Variants in SGCZ observed in about 807,000 individuals in gnomAD.
SGCZ encodes sarcoglycan zeta, also known as zeta-sarcoglycan.
A neutral mutation model predicts 41.3 loss-of-function variants in SGCZ; 40 were observed. The ratio of observed to expected loss-of-function variants is 0.97; its 90% CI spans 0.75 to 1.26. The LOEUF is 1.26. Among genes scored for constraint, SGCZ ranks in the 50% most tolerant of loss-of-function variants. SGCZ has a pLI of 0.00. For synonymous variants in SGCZ, 206 were observed against 137.5 expected (o/e 1.50, Z -3.49); for missense variants, 552 against 369.8 (o/e 1.49, Z -4.04).
chr8:14,525,624 A>T (rs1436433610), intron 2 of SGCZ, among the ~76,000 whole-genome samples: 1 of 152,058 alleles, frequency 6.6e-6, no homozygotes, highest in Non-Finnish European at 1.5e-5. Flanking sequence ...ATACTTCTTG[A>T]CCTAGTCACA....
At chr8:14,192,693 T>A (rs1278670219) in intron 4 of SGCZ, among the ~76,000 whole-genome samples, 1 of 152,056 alleles carries the variant, frequency 6.6e-6, no homozygotes, top group Non-Finnish European at 1.5e-5. Flanking sequence ...TTCTCAATAT[T>A]ATATTTATGC....
intron 2 of SGCZ, among the ~76,000 whole-genome samples, chr8:14,410,064 G>A (rs972174103): frequency 1.2e-4 from 18 of 152,042 alleles, no homozygotes; most frequent in Non-Finnish European, 1.9e-4. Flanking sequence ...TCTGAGCTCC[G>A]CCTCCAGTAA....
intron 4 of SGCZ, among the ~76,000 whole-genome samples, chr8:14,233,815 T>A (rs1488908830): frequency 6.6e-6 from 1 of 151,700 alleles, no homozygotes; most frequent in South Asian, 2.1e-4. Flanking sequence ...ATAATAATTA[T>A]AGATTAAATA....
chr8:14,226,159 C>T (rs1726009848), intron 4 of SGCZ, among the ~76,000 whole-genome samples: 1 of 151,776 alleles, frequency 6.6e-6, no homozygotes, highest in South Asian at 2.1e-4. Flanking sequence ...TACATAGTTG[C>T]ATGAAGAAAA....
At chr8:14,846,940 C>T (rs1264466208) in intron 1 of SGCZ, among the ~76,000 whole-genome samples, 2 of 151,876 alleles carry the variant, frequency 1.3e-5, no homozygotes, top group Non-Finnish European at 2.9e-5. Flanking sequence ...GGCGTGGTGG[C>T]ACATGCCTGT....
intron 1 of SGCZ, among the ~76,000 whole-genome samples, chr8:14,685,105 CATTA>C (rs1240782813): frequency 6.8e-6 from 1 of 147,632 alleles, no homozygotes; most frequent in Non-Finnish European, 1.5e-5. Flanking sequence ...TATTTAAACA[CATTA>C]ATTAAAACTA....
At chr8:14,704,846 G>A (rs1809279827) in intron 1 of SGCZ, among the ~76,000 whole-genome samples, 1 of 151,814 alleles carries the variant, frequency 6.6e-6, no homozygotes, top group Non-Finnish European at 1.5e-5. Flanking sequence ...ACTAAATACT[G>A]GGCATCACAA....
At chr8:14,764,232 T>C (rs1343218202) in intron 1 of SGCZ, among the ~76,000 whole-genome samples, 1 of 152,212 alleles carries the variant, frequency 6.6e-6, no homozygotes, top group Non-Finnish European at 1.5e-5. Flanking sequence ...GTAGATATGT[T>C]AGAACTTTTA....
chr8:14,489,436 C>CT, intron 2 of SGCZ, among the ~76,000 whole-genome samples: 1 of 152,006 alleles, frequency 6.6e-6, no homozygotes, highest in Non-Finnish European at 1.5e-5. Context: ...AATAGATTGA[C>CT]TTTTTTGCTT....
rs73517247 is a variant in SGCZ at position 14,594,870 on chromosome 8, T to C, written c.40-39944A>G. 7.4e-3 allele frequency among the ~76,000 whole-genome samples: 1,122 copies of C among 151,994 alleles called. 32 individuals are homozygous for C. The highest frequency in any genetic ancestry group is 0.026 in the African/African-American group (1,065 of 41,302). On this transcript the variant is annotated intron_variant, in intron 1 of 7. Coordinates refer to ENST00000382080, the MANE Select transcript of SGCZ (RefSeq NM_139167.4). ...TTTTTTTACCAACAATTACATATTA[T>C]TTTCTGTGTCTCTATTACAGAGACA...
intron 1 of SGCZ, among the ~76,000 whole-genome samples, chr8:14,907,874 G>A (rs1799166354): frequency 6.6e-6 from 1 of 152,108 alleles, no homozygotes; most frequent in Admixed American, 6.5e-5. Context: ...TATTTAGGAT[G>A]TATACAACCA....
rs912793775 is a variant in SGCZ at position 14,088,335 on chromosome 8, C to G, written c.*2108G>C. ...GCTGAGATTAGAAACAGGGCCAGTT[C>G]CTAATCAAAAGAATTATTCCCATTT... is the stretch of plus-strand genomic sequence containing the variant. On this transcript the variant is annotated 3_prime_UTR_variant, in exon 8 of 8. Coordinates refer to ENST00000382080, the MANE Select transcript of SGCZ (RefSeq NM_139167.4). Among the ~76,000 whole-genome samples, 1 of 151,642 alleles carries G rather than the reference C, an allele frequency of 6.6e-6. No homozygotes were observed.
At chr8:14,780,211 A>G (rs779534901) in intron 1 of SGCZ, among the ~76,000 whole-genome samples, 7 of 151,922 alleles carry the variant, frequency 4.6e-5, no homozygotes, top group Admixed American at 3.3e-4. Flanking sequence ...CGTCCCTACT[A>G]AAAATACAAA....
At chr8:14,626,367 T>C (rs777570149) in intron 1 of SGCZ, among the ~76,000 whole-genome samples, 2 of 152,078 alleles carry the variant, frequency 1.3e-5, no homozygotes, top group Non-Finnish European at 2.9e-5. Flanking sequence ...CATGTGTTCT[T>C]ACTGTTTAGT....
chr8:14,255,728 T>C (rs1381589006), intron 3 of SGCZ, among the ~76,000 whole-genome samples: 4 of 152,118 alleles, frequency 2.6e-5, no homozygotes, highest in Non-Finnish European at 4.4e-5. Flanking sequence ...CAACATTAGA[T>C]ATATGCTACC....
intron 1 of SGCZ, among the ~76,000 whole-genome samples, chr8:14,605,160 C>T (rs979723848): frequency 2.6e-5 from 4 of 152,094 alleles, no homozygotes; most frequent in African/African-American, 7.2e-5. Context: ...CGAAAAATGA[C>T]TCCTTGAAAC....
intron 1 of SGCZ, among the ~76,000 whole-genome samples, chr8:14,755,835 A>T (rs1232042482): frequency 2.6e-5 from 4 of 152,174 alleles, no homozygotes; most frequent in African/African-American, 9.7e-5. Flanking sequence ...ACTATGCCAT[A>T]TACAGGACAT....
intron 2 of SGCZ, among the ~76,000 whole-genome samples, chr8:14,506,533 A>G (rs1802310627): frequency 6.6e-6 from 1 of 152,028 alleles, no homozygotes; most frequent in Non-Finnish European, 1.5e-5. Context: ...CTAATTCCAC[A>G]TCCCTTTTCA....
chr8:14,191,964 G>A (rs1411406647), intron 4 of SGCZ, among the ~76,000 whole-genome samples: 1 of 151,962 alleles, frequency 6.6e-6, no homozygotes, highest in Non-Finnish European at 1.5e-5. Flanking sequence ...GTATAGGAAA[G>A]CTCAAAGAAG....
Sources: gnomAD v4.1 joint callset for allele counts (sites outside exome capture counted in the v4.1 genomes callset) on GRCh38, gnomAD v4.1.1 for gene constraint, MANE v1.5 for transcripts, NCBI Gene and HGNC (gene_info 2026-07-23, HGNC 2026-07-21) for gene names.